The following CTNND2 variants were observed in gnomAD, a reference collection of about 807,000 sequenced individuals.
The protein encoded by CTNND2 is catenin delta 2, also known as catenin delta-2.
CTNND2 carries 22 observed loss-of-function variants against 144.4 expected under a neutral mutation model. The observed-to-expected ratio is 0.15, with a 90% CI of 0.11 to 0.22. The LOEUF (loss-of-function observed/expected upper bound fraction) is 0.22. CTNND2 is among the 10% of genes least tolerant of loss of function. The pLI is 1.00. For missense variants in CTNND2, 1,353 were observed against 1,618.8 expected (o/e 0.84, Z 2.82); for synonymous variants, 751 against 695.6 (o/e 1.08, Z -1.25).
chr5:11,845,644 C>A (rs1794698306), intron 1 of CTNND2, among the ~76,000 whole-genome samples: 2 of 152,182 alleles, frequency 1.3e-5, no homozygotes, highest in African/African-American at 4.8e-5. Flanking sequence ...CTTTGACTTC[C>A]ATCTCCAAAA....
At chr5:11,370,987 A>G (rs1414749522) in intron 7 of CTNND2, among the ~76,000 whole-genome samples, 1 of 152,272 alleles carries the variant, frequency 6.6e-6, no homozygotes, top group Non-Finnish European at 1.5e-5. Flanking sequence ...TAATGCACTG[A>G]TAATTATTAA....
At chr5:11,056,585 T>A (rs1746372871) in intron 16 of CTNND2, among the ~76,000 whole-genome samples, 1 of 152,264 alleles carries the variant, frequency 6.6e-6, no homozygotes, top group South Asian at 2.1e-4. Context: ...CCCGAGCAGC[T>A]GGGACTACAG....
At chr5:11,404,143 T>C (rs1454706280) in intron 5 of CTNND2, among the ~76,000 whole-genome samples, 1 of 152,176 alleles carries the variant, frequency 6.6e-6, no homozygotes. Context: ...TTACATGCCA[T>C]GTAGTCTCTG....
At chr5:11,900,116 T>C (rs1475249938) in intron 1 of CTNND2, among the ~76,000 whole-genome samples, 3 of 152,192 alleles carry the variant, frequency 2.0e-5, no homozygotes, top group Non-Finnish European at 4.4e-5. Flanking sequence ...TTGCACGTAA[T>C]GTGCCAAGAG....
intron 11 of CTNND2, among the ~76,000 whole-genome samples, chr5:11,198,518 A>G (rs1737097648): frequency 6.6e-6 from 1 of 152,218 alleles, no homozygotes. Flanking sequence ...ATTTTCATCT[A>G]CTTCATCAGC....
At chr5:11,807,430 T>C (rs1267378033) in intron 1 of CTNND2, among the ~76,000 whole-genome samples, 1 of 152,128 alleles carries the variant, frequency 6.6e-6, no homozygotes, top group Non-Finnish European at 1.5e-5. Flanking sequence ...GTTGATTAGG[T>C]TTTTAACTTA....
intron 1 of CTNND2, among the ~76,000 whole-genome samples, chr5:11,812,637 C>T (rs888288511): frequency 2.0e-5 from 3 of 152,110 alleles, no homozygotes; most frequent in African/African-American, 7.2e-5. Context: ...TGTTGGATTT[C>T]AGGAAAATAA....
intron 2 of CTNND2, among the ~76,000 whole-genome samples, chr5:11,612,135 C>A (rs895289970): frequency 6.6e-6 from 1 of 152,180 alleles, no homozygotes; most frequent in Non-Finnish European, 1.5e-5. Flanking sequence ...TATATATGAT[C>A]AGGCTGATAG....
chr5:11,073,616 C>T (rs945333398), intron 16 of CTNND2, among the ~76,000 whole-genome samples: 1 of 152,104 alleles, frequency 6.6e-6, no homozygotes, highest in African/African-American at 2.4e-5. Flanking sequence ...CTTATCTTCC[C>T]GACCCAGCTG....
intron 3 of CTNND2, among the ~76,000 whole-genome samples, chr5:11,467,017 G>T (rs561469978): frequency 7.2e-5 from 11 of 152,346 alleles, no homozygotes; most frequent in African/African-American, 2.2e-4. Context: ...GGACAGCTCA[G>T]GACATGGAAA....
intron 9 of CTNND2, among the ~76,000 whole-genome samples, chr5:11,315,195 T>C (rs1296425632): frequency 6.6e-6 from 1 of 152,204 alleles, no homozygotes; most frequent in African/African-American, 2.4e-5. Context: ...ATCCTCTCCA[T>C]ACTACCTTGT....
chr5:11,745,762 T>C (rs1448226713), intron 1 of CTNND2, among the ~76,000 whole-genome samples: 1 of 152,168 alleles, frequency 6.6e-6, no homozygotes, highest in Non-Finnish European at 1.5e-5. Flanking sequence ...CAATCTTCCT[T>C]ACCAACCATC....
At chr5:11,569,114 A>G (rs1364468593) in intron 2 of CTNND2, among the ~76,000 whole-genome samples, 1 of 152,152 alleles carries the variant, frequency 6.6e-6, no homozygotes, top group Non-Finnish European at 1.5e-5. Context: ...ATTCTGGTGG[A>G]GATGTGGTGA....
rs545518149 is a variant in CTNND2 at position 11,826,932 on chromosome 5, T to C, written c.37+76885A>G. Among the ~76,000 whole-genome samples the C allele has an allele frequency of 2.2e-4, 33 of 152,080 alleles. No individual in the cohort carries two copies. In the East Asian group the frequency reaches 5.6e-3, roughly 26 times the overall value. ...TTGATAAAAGCAGTAGACAGAAAAC[T>C]GGCCACAATAAAAGAACCCTACACA... is the stretch of plus-strand genomic sequence containing the variant. On this transcript the variant is annotated intron_variant, in intron 1 of 21. Coordinates refer to ENST00000304623, the MANE Select transcript of CTNND2 (RefSeq NM_001332.4).
At chr5:11,699,267 G>A (rs1046654000) in intron 2 of CTNND2, among the ~76,000 whole-genome samples, 1 of 152,072 alleles carries the variant, frequency 6.6e-6, no homozygotes, top group African/African-American at 2.4e-5. Context: ...CAGGATAGAG[G>A]CCAAGAGTCC....
rs185260828 is a variant in CTNND2, at chr5:11,789,861, T to G, written c.38-57589A>C. 2.6e-3 allele frequency among the ~76,000 whole-genome samples: 399 copies of G among 152,342 alleles called. 3 individuals are homozygous for G. The highest frequency in any genetic ancestry group is 8.6e-3 in the African/African-American group (359 of 41,572). On this transcript the variant is annotated intron_variant, in intron 1 of 21. Transcript: ENST00000304623. ...TCTGATTGGTAACTCCTTTACAAGT[T>G]TAAGAACTTCCTTTTATTTTATTCT... is the stretch of plus-strand genomic sequence containing the variant.
At chr5:11,320,789 G>A (rs945642299) in intron 9 of CTNND2, among the ~76,000 whole-genome samples, 2 of 152,134 alleles carry the variant, frequency 1.3e-5, no homozygotes, top group African/African-American at 4.8e-5. Flanking sequence ...GGAGGTATGT[G>A]AGCTATAAGA....
At chr5:11,890,800 T>C (rs2127096515) in intron 1 of CTNND2, among the ~76,000 whole-genome samples, 1 of 152,330 alleles carries the variant, frequency 6.6e-6, no homozygotes. Context: ...ACAGAAACAC[T>C]TGCTTTCGCA....
chr5:11,505,788 T>C (rs1770970852), intron 3 of CTNND2, among the ~76,000 whole-genome samples: 1 of 152,144 alleles, frequency 6.6e-6, no homozygotes, highest in African/African-American at 2.4e-5. Flanking sequence ...AGCTAATGAA[T>C]TATCCCCCAA....
Sources: gnomAD v4.1 joint callset for allele counts (sites outside exome capture counted in the v4.1 genomes callset) on GRCh38, gnomAD v4.1.1 for gene constraint, MANE v1.5 for transcripts, NCBI Gene and HGNC (gene_info 2026-07-23, HGNC 2026-07-21) for gene names.